Variants in PI4KA observed in about 807,000 individuals in gnomAD.
The protein encoded by PI4KA is PI4-kinase alpha.
In PI4KA, 122 loss-of-function variants were observed where a neutral mutation model predicts 271.4. That is an observed-to-expected ratio of 0.45 (90% CI 0.39 to 0.52). The LOEUF is 0.52. Ranked by LOEUF, PI4KA falls within the 20% of genes least tolerant of loss-of-function variation. PI4KA has a pLI of 0.00. For missense variants in PI4KA, 1,969 were observed against 2,769.1 expected (o/e 0.71, Z 6.48); for synonymous variants, 1,041 against 1,078.8 (o/e 0.96, Z 0.69).
intron 3 of PI4KA, among the ~76,000 whole-genome samples, chr22:20,832,197 C>A (rs1368860330): frequency 1.3e-5 from 2 of 150,054 alleles, no homozygotes; most frequent in Admixed American, 1.3e-4. Flanking sequence ...CTCACTGTTG[C>A]CTCTGCCTCC....
chr22:20,737,451 C>T (rs978610370), intron 32 of PI4KA, among the ~76,000 whole-genome samples: 1 of 151,946 alleles, frequency 6.6e-6, no homozygotes, highest in Non-Finnish European at 1.5e-5. Context: ...ATCTGAGGAC[C>T]CACTCCTATC....
chr22:20,746,486 A>G (rs1290096859), intron 29 of PI4KA, among the ~76,000 whole-genome samples: 2 of 152,252 alleles, frequency 1.3e-5, no homozygotes, highest in East Asian at 3.8e-4. Context: ...AGCTGGCTAG[A>G]GTCTAGAAAA....
At position 20,848,273 on chromosome 22, in the gene PI4KA, C is replaced by T. The variant is rs1187000947; in HGVS notation, c.157-9542G>A. On this transcript the variant is annotated intron_variant, in intron 1 of 54. Coordinates refer to ENST00000255882, the MANE Select transcript of PI4KA (RefSeq NM_058004.4). ...AAAAAAAAAAAAAGGGACAATATAG[C>T]AATACAGTCCAAACTAACCTACAAA... Among the ~76,000 whole-genome samples the T allele has an allele frequency of 3.4e-5, 5 of 147,918 alleles. 1 individual carries two copies. Among genetic ancestry groups the T allele is most frequent in the Admixed American group, 2.7e-4 (4 of 14,752 alleles).
At chr22:20,726,320 C>T in intron 42 of PI4KA, 168 bp downstream of exon 42, 1 of 537,290 alleles carries the variant, frequency 1.9e-6, no homozygotes, top group African/African-American at 2.0e-5. Context: ...ACATGGGTAT[C>T]AAGGGACAAT....
chr22:20,759,416 T>C (rs1177736189), intron 23 of PI4KA, among the ~76,000 whole-genome samples: 1 of 145,438 alleles, frequency 6.9e-6, no homozygotes, highest in Non-Finnish European at 1.5e-5. Flanking sequence ...TTTTTTTTTT[T>C]TTTTTTTGAG....
chr22:20,754,537 A>G (rs1162977186), intron 23 of PI4KA, among the ~76,000 whole-genome samples: 1 of 152,252 alleles, frequency 6.6e-6, no homozygotes, highest in Admixed American at 6.5e-5. Context: ...GAAGTTATGC[A>G]GAGATCATGT....
At chr22:20,763,026 G>GGCGC (rs1555888581) in intron 22 of PI4KA, among the ~76,000 whole-genome samples, 1 of 68,492 alleles carries the variant, frequency 1.5e-5, no homozygotes, top group Admixed American at 1.9e-4. Flanking sequence ...TTGGGGGGGG[G>GGCGC]GGGGGTTAGA....
intron 1 of PI4KA, among the ~76,000 whole-genome samples, chr22:20,839,632 C>T (rs1337947398): frequency 6.6e-6 from 1 of 152,174 alleles, no homozygotes; most frequent in Non-Finnish European, 1.5e-5. Context: ...AAGTTTGAGA[C>T]CAGCTTGGCC....
chr22:20,837,883 C>G (rs1362877065), intron 2 of PI4KA, among the ~76,000 whole-genome samples: 1 of 152,108 alleles, frequency 6.6e-6, no homozygotes, highest in Non-Finnish European at 1.5e-5. Flanking sequence ...CTTTGGGAGG[C>G]AGAGGCAGGC....
chr22:20,850,948 G>A (rs1926890947), intron 1 of PI4KA, among the ~76,000 whole-genome samples: 4 of 152,110 alleles, frequency 2.6e-5, no homozygotes, highest in Admixed American at 2.6e-4. Context: ...GGGAGGCTGA[G>A]GCAGGAGGAT....
chr22:20,751,425 C>A (rs745641203), intron 26 of PI4KA, 49 bp from the exon 27 acceptor site: 36 of 1,499,296 alleles, frequency 2.4e-5, no homozygotes, highest in Non-Finnish European at 3.3e-5. Flanking sequence ...CCCCAAGTTG[C>A]CACTAGCAAC....
chr22:20,780,264 G>A (rs529395195), intron 19 of PI4KA: 731 of 1,606,486 alleles, frequency 4.6e-4, no homozygotes, highest in Middle Eastern at 8.3e-4. Flanking sequence ...TATGTGGGTA[G>A]ATTGAATGCC....
At position 20,729,909 on chromosome 22, in the gene PI4KA, G is replaced by GTGGACATGCCGC; in HGVS notation, c.4379_4390dup (p.Ser1460_Ser1463dup). The stretch of plus-strand genomic sequence containing the variant: ...CCACCGACCTGATTTCTTGGAGATG[G>GTGGACATGCCGC]TGGACATGCCGCTGGACAGGGGGTA... On this transcript the variant is annotated inframe_insertion, in exon 37 of 55. Coordinates refer to ENST00000255882, the MANE Select transcript of PI4KA (RefSeq NM_058004.4). 1 of 1,614,198 alleles carries GTGGACATGCCGC rather than the reference G, an allele frequency of 6.2e-7. No individual in the cohort carries two copies. Among genetic ancestry groups the GTGGACATGCCGC allele is most frequent in the Non-Finnish European group, 8.5e-7 (1 of 1,180,026 alleles).
rs1312224376 is a variant in PI4KA at position 20,838,679 on chromosome 22, A to C, written c.209T>G (p.Leu70Ter). ...CACTGCATCTCTCCGTCTTTCATCTAACTGGAAGATCCCATGGAAATCCAC... is the reference window on the plus strand; with the variant it reads ...CACTGCATCTCTCCGTCTTTCATCTCACTGGAAGATCCCATGGAAATCCAC... The part of the protein sequence containing the change: ...CPVDFHGIFQ[L>*]DERRRDAVIA... The change falls in exon 2 of 55, where the codon TTA becomes TGA. Residue 70 changes from leucine to a stop codon, truncating the protein, a stop_gained. Transcript: ENST00000255882. LOFTEE classifies it high-confidence loss of function. 1 of 1,613,736 alleles carries C rather than the reference A, an allele frequency of 6.2e-7. No homozygotes were observed. The highest frequency in any genetic ancestry group is 8.5e-7 in the Non-Finnish European group (1 of 1,179,636).
At chr22:20,727,557 C>G (rs1357044995) in intron 40 of PI4KA, 160 bp from the exon 41 acceptor site, 7 of 726,320 alleles carry the variant, frequency 9.6e-6, no homozygotes. Context: ...AACAACGTAA[C>G]TGCAATTAGG....
Position 20,764,843 on chromosome 22 carries a change from G to A in PI4KA, c.2682C>T (p.Leu894=). Residue 894 remains leucine (L), a synonymous_variant, in exon 22 of 55, where the codon CTC becomes CTT. Coordinates refer to ENST00000255882, the MANE Select transcript of PI4KA (RefSeq NM_058004.4). ...TCATGTACTCCAGCCGGTACACAGA[G>A]AGGAGGTAGGTGGACATGGCGAAGT... ...KLDFAMSTYL[L]SVYRLEYMRV... 1 of 1,613,538 alleles carries A rather than the reference G, an allele frequency of 6.2e-7. No homozygotes were observed. The highest frequency in any genetic ancestry group is 8.5e-7 in the Non-Finnish European group (1 of 1,179,726).
At position 20,751,494 on chromosome 22, in the gene PI4KA, C is replaced by T. The variant is rs554380209; in HGVS notation, c.3070-118G>A. 9 of 984,210 alleles carry T rather than the reference C, an allele frequency of 9.1e-6. No homozygotes were observed. In the South Asian group the frequency reaches 1.2e-4, roughly 13 times the overall value. 61.0% of individuals were successfully genotyped at this position (984,210 alleles called of 1,614,324 possible). A position where few individuals can be genotyped will look rare whatever the true frequency, so the allele number is the denominator to read the frequency against. On this transcript the variant is annotated intron_variant, in intron 26 of 54. Transcript: ENST00000255882. The stretch of plus-strand genomic sequence containing the variant: ...CTGTGACAGGCCTCCATACTTGATG[C>T]AACTTATTGCAAAACACCAGGTGGA...
intron 3 of PI4KA, among the ~76,000 whole-genome samples, chr22:20,828,298 G>GA (rs1166529113): frequency 6.6e-6 from 1 of 152,082 alleles, no homozygotes; most frequent in Non-Finnish European, 1.5e-5. Context: ...TATAATCTAT[G>GA]AAAAGAGATC....
rs184247028 is a variant in PI4KA, at chr22:20,833,816, T to C, written c.367+746A>G. Among the ~76,000 whole-genome samples the C allele has an allele frequency of 3.5e-3, 525 of 152,072 alleles. 1 individual carries two copies. Among genetic ancestry groups the C allele is most frequent in the Non-Finnish European group, 5.8e-3 (391 of 67,980 alleles). On this transcript the variant is annotated intron_variant, in intron 3 of 54. Transcript: ENST00000255882. ...CTGGGACTACAGGCACACACCACCATGCCCGGCTAATTTTTGTACTTTTAG... is the reference window on the plus strand; with the variant it reads ...CTGGGACTACAGGCACACACCACCACGCCCGGCTAATTTTTGTACTTTTAG...
Sources: gnomAD v4.1 joint callset for allele counts (sites outside exome capture counted in the v4.1 genomes callset) on GRCh38, gnomAD v4.1.1 for gene constraint, MANE v1.5 for transcripts, NCBI Gene and HGNC (gene_info 2026-07-23, HGNC 2026-07-21) for gene names.